Variants in MCPH1 observed in about 807,000 individuals in gnomAD.
MCPH1 encodes microcephalin 1.
MCPH1 carries 104 observed loss-of-function variants against 84.5 expected under a neutral mutation model. That is an observed-to-expected ratio of 1.23 (90% CI 1.05 to 1.45). The LOEUF is 1.45. Ranked by LOEUF, MCPH1 falls within the 40% of genes most tolerant of loss-of-function variation. MCPH1 has a pLI of 0.00. For synonymous variants in MCPH1, 514 were observed against 366.8 expected, an observed-to-expected ratio of 1.40 and a Z score of -4.58; for missense variants, 1,498 against 1,005.7, an observed-to-expected ratio of 1.49 and a Z score of -6.62.
At chr8:6,639,074 C>T (rs1332811289) in intron 13 of MCPH1, among the ~76,000 whole-genome samples, 2 of 152,208 alleles carry the variant, frequency 1.3e-5, no homozygotes, top group African/African-American at 2.4e-5. Flanking sequence ...TCTGTTCCAT[C>T]TTGTCTCTGT....
At chr8:6,642,439 C>T (rs945658845) in intron 13 of MCPH1, among the ~76,000 whole-genome samples, 9 of 152,052 alleles carry the variant, frequency 5.9e-5, no homozygotes, top group African/African-American at 9.7e-5. Flanking sequence ...GAGTTTCAAA[C>T]GGATGGGACT....
intron 12 of MCPH1, chr8:6,500,892 T>G (rs972805952): frequency 2.0e-5 from 3 of 152,156 alleles, no homozygotes; most frequent in South Asian, 4.1e-4. Context: ...ACAAAGAGAA[T>G]TGATATAAAT....
At chr8:6,538,399 C>T (rs571606931) in intron 12 of MCPH1, among the ~76,000 whole-genome samples, 2 of 152,336 alleles carry the variant, frequency 1.3e-5, no homozygotes, top group Non-Finnish European at 1.5e-5. Context: ...CTGTCAGAGT[C>T]AGGAATCCAC....
At chr8:6,529,630 T>TG (rs1172995107) in intron 12 of MCPH1, among the ~76,000 whole-genome samples, 1 of 148,950 alleles carries the variant, frequency 6.7e-6, no homozygotes, top group Non-Finnish European at 1.5e-5. Flanking sequence ...CTAATTTTTT[T>TG]TTTTTTTTTT....
chr8:6,619,178 G>T (rs1470671620), intron 12 of MCPH1: 1 of 152,090 alleles, frequency 6.6e-6, no homozygotes, highest in East Asian at 1.9e-4. Flanking sequence ...GTGGAGATCG[G>T]TGCCCCCCAG....
chr8:6,611,142 A>C (rs1830228554), intron 12 of MCPH1, among the ~76,000 whole-genome samples: 1 of 151,932 alleles, frequency 6.6e-6, no homozygotes, highest in Non-Finnish European at 1.5e-5. Context: ...ACACACACAC[A>C]CACACACTCA....
intron 13 of MCPH1, among the ~76,000 whole-genome samples, chr8:6,641,395 G>A (rs1157708084): frequency 3.3e-5 from 5 of 152,148 alleles, no homozygotes; most frequent in Non-Finnish European, 7.4e-5. Flanking sequence ...ACAAAGTGTT[G>A]ATATAATTTG....
intron 2 of MCPH1, among the ~76,000 whole-genome samples, chr8:6,412,796 A>C (rs1265300639): frequency 2.6e-5 from 4 of 152,136 alleles, no homozygotes; most frequent in Non-Finnish European, 5.9e-5. Context: ...GATAGCTCCC[A>C]TGGACTTGAT....
chr8:6,637,795 G>A (rs2433146), intron 13 of MCPH1, among the ~76,000 whole-genome samples: 37,272 of 152,006 alleles, frequency 0.25, 6,203 homozygotes, highest in East Asian at 0.53. Flanking sequence ...AGAGAAAGCA[G>A]TCTCGGACCT....
intron 11 of MCPH1, among the ~76,000 whole-genome samples, chr8:6,496,178 G>T (rs1422853588): frequency 6.6e-6 from 1 of 152,140 alleles, no homozygotes; most frequent in Non-Finnish European, 1.5e-5. Flanking sequence ...AGTCCCATCG[G>T]GGGGTGACGA....
chr8:6,595,010 C>T (rs1297169568), intron 12 of MCPH1, among the ~76,000 whole-genome samples: 2 of 152,178 alleles, frequency 1.3e-5, no homozygotes, highest in South Asian at 2.1e-4. Context: ...TCTTGTAAAT[C>T]TTAAGACTAT....
At chr8:6,440,790 TC>T (rs1408191685) in intron 6 of MCPH1, among the ~76,000 whole-genome samples, 5 of 152,208 alleles carry the variant, frequency 3.3e-5, no homozygotes, top group Non-Finnish European at 5.9e-5. Context: ...TAATTTTATG[TC>T]CTTTGTCCAT....
intron 13 of MCPH1, among the ~76,000 whole-genome samples, chr8:6,640,031 A>C (rs1797825024): frequency 6.6e-6 from 1 of 150,706 alleles, no homozygotes; most frequent in South Asian, 2.1e-4. Flanking sequence ...GAACCCTGCA[A>C]TACGGCTGGC....
intron 9 of MCPH1, among the ~76,000 whole-genome samples, chr8:6,466,801 C>T (rs1392299775): frequency 6.6e-6 from 1 of 152,120 alleles, no homozygotes; most frequent in African/African-American, 2.4e-5. Flanking sequence ...GTCTCAAACT[C>T]CTGACCTCAA....
At chr8:6,502,977 C>A (rs140032908) in intron 12 of MCPH1, 2 of 1,156,340 alleles carry the variant, frequency 1.7e-6, no homozygotes, top group Non-Finnish European at 2.5e-6. Flanking sequence ...ATGTGGGTCC[C>A]GTCAGCACCG....
intron 12 of MCPH1, among the ~76,000 whole-genome samples, chr8:6,605,903 G>A (rs1563179458): frequency 6.6e-6 from 1 of 152,030 alleles, no homozygotes; most frequent in African/African-American, 2.4e-5. Flanking sequence ...CTCCATGTTG[G>A]CCAGGCTGGT....
chr8:6,410,769 G>T (rs1363353151), intron 2 of MCPH1, among the ~76,000 whole-genome samples: 2 of 152,162 alleles, frequency 1.3e-5, no homozygotes, highest in African/African-American at 4.8e-5. Flanking sequence ...GATCTAAGCT[G>T]TGGGGAAAAA....
intron 12 of MCPH1, among the ~76,000 whole-genome samples, chr8:6,505,804 A>G (rs1813546621): frequency 2.2e-5 from 2 of 92,838 alleles, no homozygotes; most frequent in South Asian, 3.1e-4. Flanking sequence ...AAAAACATGC[A>G]TATTCTTTAT....
rs892486173 is a variant in MCPH1 at position 6,498,481 on chromosome 8, C to G, written c.2137-1371C>G. Reference sequence around the variant, plus strand: ...CTGTGTAAATTAATTAATTTACTGACCAGAACTCTACTTTAGCTTCTTATG... The same window carrying G: ...CTGTGTAAATTAATTAATTTACTGAGCAGAACTCTACTTTAGCTTCTTATG... On this transcript the variant is annotated intron_variant, in intron 11 of 13. Coordinates refer to ENST00000344683, the MANE Select transcript of MCPH1 (RefSeq NM_024596.5). Among the ~76,000 whole-genome samples, 28 of 152,248 alleles carry G rather than the reference C, an allele frequency of 1.8e-4. 1 individual carries two copies. The highest frequency in any genetic ancestry group is 6.3e-4 in the African/African-American group (26 of 41,554).
Sources: allele counts gnomAD v4.1 joint callset (sites outside exome capture counted in the v4.1 genomes callset), GRCh38; gene constraint gnomAD v4.1.1; transcripts MANE v1.5; gene names NCBI Gene and HGNC (gene_info 2026-07-23, HGNC 2026-07-21).